THSD7A: variants seen among roughly 807,000 people sequenced by gnomAD.
THSD7A encodes thrombospondin type-1 domain-containing protein 7A.
A neutral mutation model predicts 231.3 loss-of-function variants in THSD7A; 96 were observed. That is an observed-to-expected ratio of 0.41 (90% CI 0.35 to 0.49). The LOEUF is 0.49. Among genes scored for constraint, THSD7A ranks in the 20% least tolerant of loss-of-function variants. The probability of loss-of-function intolerance (pLI) is 0.05; values close to 1 mark genes in which losing one functional copy is unlikely to be tolerated. For missense variants in THSD7A, 2,290 were observed against 2,070.2 expected, an observed-to-expected ratio of 1.11 and a Z score of -2.06; for synonymous variants, 940 against 743.3, an observed-to-expected ratio of 1.26 and a Z score of -4.30.
chr7:11,722,763 A>G (rs938853409), intron 1 of THSD7A, among the ~76,000 whole-genome samples: 7 of 152,058 alleles, frequency 4.6e-5, no homozygotes, highest in African/African-American at 1.7e-4. Context: ...AATGCAAATC[A>G]AAACCACAAT....
chr7:11,629,254 C>T (rs1044806771), intron 2 of THSD7A, among the ~76,000 whole-genome samples: 1 of 152,070 alleles, frequency 6.6e-6, no homozygotes, highest in Non-Finnish European at 1.5e-5. Context: ...TGATAGTGGA[C>T]CTCTAAGGTC....
At chr7:11,450,400 T>G (rs185014844) in intron 11 of THSD7A, among the ~76,000 whole-genome samples, 52 of 152,108 alleles carry the variant, frequency 3.4e-4, no homozygotes, top group Non-Finnish European at 5.6e-4. Flanking sequence ...TTTTAGACAG[T>G]GTACTTTTGG....
intron 6 of THSD7A, among the ~76,000 whole-genome samples, chr7:11,495,019 C>G (rs1169462426): frequency 6.6e-6 from 1 of 151,940 alleles, no homozygotes; most frequent in Non-Finnish European, 1.5e-5. Context: ...TGTTTAATAT[C>G]TTTGGGGGTT....
rs762626244 is a variant in THSD7A at position 11,590,709 on chromosome 7, T to C, written c.1272-68A>G. The C allele has an allele frequency of 4.0e-5, 60 of 1,482,454 alleles. No individual in the cohort carries two copies. Among genetic ancestry groups the C allele is most frequent in the Non-Finnish European group, 5.0e-5 (56 of 1,111,894 alleles). The allele number at this position is 1,482,454 out of a possible 1,614,324, so 91.8% of individuals were successfully genotyped here. ...ATGACGTGTTTCTCTACTCCTGTCATACTTTGTTTTAACGAAAATTAGTCT... is the reference window on the plus strand; with the variant it reads ...ATGACGTGTTTCTCTACTCCTGTCACACTTTGTTTTAACGAAAATTAGTCT... On this transcript the variant is annotated intron_variant, in intron 3 of 27. Transcript: ENST00000423059. This position sits in a 1 kb window ranked among gnomAD's most constrained non-coding sequence, Gnocchi z 4.4.
Position 11,398,647 on chromosome 7 carries a change from G to A in THSD7A, c.4411+3148C>T, listed in dbSNP as rs183668761. ...GTTGAAGTATTGCTCCTCACAAGAG[G>A]GCATTAGCTACGGGGGTCTGTCTGC... On this transcript the variant is annotated intron_variant, in intron 23 of 27. Transcript: ENST00000423059. 1.2e-4 allele frequency among the ~76,000 whole-genome samples: 18 copies of A among 152,260 alleles called. 1 individual carries two copies. The East Asian group carries it at 3.5e-3, about 29-fold the overall frequency.
At chr7:11,603,099 A>C (rs1420639662) in intron 2 of THSD7A, among the ~76,000 whole-genome samples, 5 of 150,832 alleles carry the variant, frequency 3.3e-5, no homozygotes, top group African/African-American at 4.9e-5. Context: ...CAACCTACAA[A>C]ATGGGAGAAA....
At chr7:11,730,815 A>G (rs570225814) in intron 1 of THSD7A, among the ~76,000 whole-genome samples, 1 of 151,512 alleles carries the variant, frequency 6.6e-6, no homozygotes, top group Non-Finnish European at 1.5e-5. Flanking sequence ...AGATTCACTT[A>G]ATCCACTGAT....
rs1212829783 is a variant in THSD7A, at chr7:11,379,703, A to C, written c.4517T>G (p.Leu1506Trp). ...SDGINVTGGC[L>W]VMSQPDADRS... is the part of the protein sequence containing the mutation. ...GTCGGCATCAGGCTGGCTCATCACCAAGCAGCCCCCTGCGGAACAGAAAAT... is the reference window on the plus strand; with the variant it reads ...GTCGGCATCAGGCTGGCTCATCACCCAGCAGCCCCCTGCGGAACAGAAAAT... The change falls in exon 25 of 28, where the codon TTG becomes TGG. Residue 1506 changes from leucine to tryptophan, a missense_variant. By Grantham distance (61) the Leu-to-Trp change is moderately conservative. Coordinates refer to ENST00000423059, the MANE Select transcript of THSD7A (RefSeq NM_015204.3). 2.5e-6 allele frequency: 4 copies of C among 1,588,786 alleles called. No homozygotes were observed. In the African/African-American group the frequency reaches 4.0e-5, roughly 16 times the overall value.
chr7:11,500,203 A>C (rs900223854), intron 6 of THSD7A, among the ~76,000 whole-genome samples: 1 of 152,202 alleles, frequency 6.6e-6, no homozygotes, highest in Non-Finnish European at 1.5e-5. Context: ...ATCTTCAACT[A>C]ACACTTTCAA....
At chr7:11,762,850 A>G (rs1197714251) in intron 1 of THSD7A, among the ~76,000 whole-genome samples, 1 of 152,152 alleles carries the variant, frequency 6.6e-6, no homozygotes, top group Non-Finnish European at 1.5e-5. Flanking sequence ...TGAATTAGAC[A>G]ATCAACATCA....
intron 11 of THSD7A, among the ~76,000 whole-genome samples, chr7:11,456,925 A>G (rs1479302938): frequency 6.6e-6 from 1 of 152,064 alleles, no homozygotes; most frequent in Non-Finnish European, 1.5e-5. Context: ...GCTATCTCAT[A>G]TCTTAGTTAC....
chr7:11,800,136 G>C (rs772885206), intron 1 of THSD7A, among the ~76,000 whole-genome samples: 20 of 152,170 alleles, frequency 1.3e-4, no homozygotes, highest in Non-Finnish European at 2.2e-4. Context: ...GACCAGCCTA[G>C]AGGGAAGACT....
At chr7:11,569,193 G>C (rs947692081) in intron 4 of THSD7A, among the ~76,000 whole-genome samples, 1 of 152,050 alleles carries the variant, frequency 6.6e-6, no homozygotes, top group African/African-American at 2.4e-5. Context: ...TGGGACATTA[G>C]AATAAAATGT....
chr7:11,778,380 T>C (rs1375045202), intron 1 of THSD7A, among the ~76,000 whole-genome samples: 2 of 152,120 alleles, frequency 1.3e-5, no homozygotes, highest in Non-Finnish European at 2.9e-5. Context: ...AGCTTAGTTA[T>C]GATTAACCAA....
chr7:11,574,411 C>G (rs922332347), intron 4 of THSD7A, among the ~76,000 whole-genome samples: 1 of 151,442 alleles, frequency 6.6e-6, no homozygotes, highest in African/African-American at 2.4e-5. Flanking sequence ...GGATACCTTC[C>G]TGTCATAGAA....
At chr7:11,628,686 G>A (rs1361727182) in intron 2 of THSD7A, among the ~76,000 whole-genome samples, 2 of 152,032 alleles carry the variant, frequency 1.3e-5, no homozygotes, top group Non-Finnish European at 2.9e-5. Context: ...GAATATTCTA[G>A]TGCCCAGAAT....
chr7:11,778,163 A>AAAAAAAAAAAAAAAAAAAAAG (rs1783494458), intron 1 of THSD7A, among the ~76,000 whole-genome samples: 1 of 140,982 alleles, frequency 7.1e-6, no homozygotes, highest in Non-Finnish European at 1.5e-5. Flanking sequence ...TCTCAAAAAA[A>AAAAAAAAAAAAAAAAAAAAAG]AAAAAAAAAA....
chr7:11,737,358 A>G (rs1291986154), intron 1 of THSD7A, among the ~76,000 whole-genome samples: 1 of 151,964 alleles, frequency 6.6e-6, no homozygotes, highest in Non-Finnish European at 1.5e-5. Context: ...AGCATAGGGC[A>G]CGGTGAGGCT....
intron 3 of THSD7A, 138 bp downstream of exon 3, chr7:11,593,116 G>GT (rs927735329): frequency 1.5e-4 from 180 of 1,204,148 alleles, no homozygotes; most frequent in African/African-American, 3.2e-4. Context: ...TGTAAAAAAA[G>GT]TTTTTTTTAA....
Sources: gnomAD v4.1 joint callset for allele counts (sites outside exome capture counted in the v4.1 genomes callset) on GRCh38, gnomAD v4.1.1 for gene constraint, Gnocchi (gnomAD v3.1) non-coding constraint, MANE v1.5 for transcripts, NCBI Gene and HGNC (gene_info 2026-07-23, HGNC 2026-07-21) for gene names.